The following RIMBP2 variants were observed in gnomAD, a reference collection of about 807,000 sequenced individuals.
RIMBP2 encodes RIMS-binding protein 2.
RIMBP2 carries 48 observed loss-of-function variants against 118.6 expected under a neutral mutation model. That is an observed-to-expected ratio of 0.40 (90% CI 0.32 to 0.51). The LOEUF (loss-of-function observed/expected upper bound fraction) is 0.51. Ranked by LOEUF, RIMBP2 falls within the 20% of genes least tolerant of loss-of-function variation. The probability of loss-of-function intolerance (pLI) is 0.41; values close to 1 mark genes in which losing one functional copy is unlikely to be tolerated. For missense variants in RIMBP2, 1,551 were observed against 1,768.3 expected, an observed-to-expected ratio of 0.88 and a Z score of 2.20; for synonymous variants, 762 against 742.9, an observed-to-expected ratio of 1.03 and a Z score of -0.42.
chr12:130,427,827 C>T (rs73150894), intron 15 of RIMBP2: 10,875 of 179,544 alleles, frequency 0.061, 484 homozygotes, highest in East Asian at 0.086. Context: ...GGTTGATGCA[C>T]GCTCTCTCGG....
intron 1 of RIMBP2, among the ~76,000 whole-genome samples, chr12:130,657,643 A>G (rs532113030): frequency 7.2e-6 from 1 of 139,172 alleles, no homozygotes; most frequent in Non-Finnish European, 1.6e-5. Flanking sequence ...CAGTGAGGGC[A>G]GAGGATGGAG....
At chr12:130,583,711 G>GCCATCACCTCATCACCACCACCC (rs2058631721) in intron 2 of RIMBP2, among the ~76,000 whole-genome samples, 1 of 99,330 alleles carries the variant, frequency 1.0e-5, no homozygotes, top group Non-Finnish European at 2.0e-5. Flanking sequence ...CACCACCACC[G>GCCATCACCTCATCACCACCACCC]CCATCACCTC....
chr12:130,634,593 G>T (rs2062225027), intron 1 of RIMBP2, among the ~76,000 whole-genome samples: 1 of 72,056 alleles, frequency 1.4e-5, no homozygotes, highest in African/African-American at 4.1e-5. Context: ...CTTTAAAGAT[G>T]ACTTTTTTTT....
chr12:130,708,718 G>A (rs573890285), intron 1 of RIMBP2, among the ~76,000 whole-genome samples: 9 of 152,234 alleles, frequency 5.9e-5, no homozygotes, highest in African/African-American at 2.2e-4. Flanking sequence ...AAGCTGCTTT[G>A]AAAATACTGT....
At chr12:130,615,749 T>C (rs2060890764) in intron 2 of RIMBP2, among the ~76,000 whole-genome samples, 1 of 152,104 alleles carries the variant, frequency 6.6e-6, no homozygotes. Context: ...TGTGACACTG[T>C]ATAAGAATTA....
rs74195662 is a variant in RIMBP2 at position 130,664,465 on chromosome 12, A to ACACACACATGCACGCACACACACACATG, written c.-351-36010_-351-36009insCATGTGTGTGTGTGCGTGCATGTGTGTG. ...CACACACGCACACACATGCACGCACACACACGCACGCACACGCATCACACA... is the reference window on the plus strand; with the variant it reads ...CACACACGCACACACATGCACGCACACACACACATGCACGCACACACACACATGCACACGCACGCACACGCATCACACA... On this transcript the variant is annotated intron_variant, in intron 1 of 22. Transcript: ENST00000690449. Among the ~76,000 whole-genome samples, 66 of 122,664 alleles carry ACACACACATGCACGCACACACACACATG rather than the reference A, an allele frequency of 5.4e-4. 1 individual carries two copies. Among genetic ancestry groups the ACACACACATGCACGCACACACACACATG allele is most frequent in the East Asian group, 3.9e-3 (15 of 3,848 alleles). 80.5% of individuals were successfully genotyped at this position (122,664 alleles called of 152,430 possible).
chr12:130,535,345 A>T (rs936218988), intron 2 of RIMBP2, among the ~76,000 whole-genome samples: 117 of 89,286 alleles, frequency 1.3e-3, no homozygotes, highest in African/African-American at 2.6e-3. Flanking sequence ...CTAAAAAATT[A>T]AAAAAAAAAA....
chr12:130,645,330 C>A (rs570237927), intron 1 of RIMBP2, among the ~76,000 whole-genome samples: 1 of 152,282 alleles, frequency 6.6e-6, no homozygotes, highest in East Asian at 1.9e-4. Flanking sequence ...CAGCTTTTAC[C>A]AGCACACCGC....
intron 4 of RIMBP2, among the ~76,000 whole-genome samples, chr12:130,500,792 G>A (rs1391932726): frequency 6.6e-6 from 1 of 152,254 alleles, no homozygotes; most frequent in South Asian, 2.1e-4. Context: ...GACACAAGAC[G>A]CGTCAGGTGC....
chr12:130,404,408 C>A (rs1164965047), intron 21 of RIMBP2, among the ~76,000 whole-genome samples: 1 of 152,166 alleles, frequency 6.6e-6, no homozygotes, highest in Admixed American at 6.5e-5. Context: ...AGTGATTCTC[C>A]TGCCTCAGCC....
chr12:130,658,960 T>C (rs2063540736), intron 1 of RIMBP2, among the ~76,000 whole-genome samples: 1 of 151,848 alleles, frequency 6.6e-6, no homozygotes, highest in Non-Finnish European at 1.5e-5. Flanking sequence ...CATGCCAACC[T>C]CCCTTCCTCC....
intron 1 of RIMBP2, among the ~76,000 whole-genome samples, chr12:130,647,408 G>A (rs1224948616): frequency 9.1e-6 from 1 of 109,302 alleles, no homozygotes; most frequent in Non-Finnish European, 2.4e-5. Flanking sequence ...TAAAACAACA[G>A]CCAAGGGAGT....
chr12:130,624,243 A>G (rs1292317200), intron 2 of RIMBP2, among the ~76,000 whole-genome samples: 1 of 152,250 alleles, frequency 6.6e-6, no homozygotes, highest in Non-Finnish European at 1.5e-5. Context: ...AAATTATAGG[A>G]CAGAGTTTCA....
At chr12:130,554,982 C>G (rs1426570828) in intron 2 of RIMBP2, among the ~76,000 whole-genome samples, 1 of 152,222 alleles carries the variant, frequency 6.6e-6, no homozygotes, top group Non-Finnish European at 1.5e-5. Flanking sequence ...TTTGAATTCA[C>G]TTATGTGCTG....
intron 21 of RIMBP2, among the ~76,000 whole-genome samples, chr12:130,401,730 A>AG (rs1292126583): frequency 6.6e-6 from 1 of 152,066 alleles, no homozygotes; most frequent in African/African-American, 2.4e-5. Flanking sequence ...AATAACATCT[A>AG]AATACGAAGA....
intron 3 of RIMBP2, among the ~76,000 whole-genome samples, chr12:130,509,245 T>C (rs564045183): frequency 1.4e-4 from 21 of 152,338 alleles, no homozygotes; most frequent in Admixed American, 5.9e-4. Context: ...CCTTTCCTTC[T>C]GGGAGTCGGA....
intron 2 of RIMBP2, among the ~76,000 whole-genome samples, chr12:130,535,736 TAC>T (rs1555283874): frequency 0.023 from 413 of 17,870 alleles, 5 homozygotes; most frequent in African/African-American, 0.035. Context: ...TACATATATA[TAC>T]ATATATATAT....
intron 1 of RIMBP2, among the ~76,000 whole-genome samples, chr12:130,708,010 G>C (rs183803712): frequency 3.9e-5 from 6 of 152,128 alleles, no homozygotes; most frequent in Non-Finnish European, 7.4e-5. Flanking sequence ...TGATGCCTGT[G>C]GGTAAACATG....
chr12:130,497,352 T>A (rs896819389), intron 4 of RIMBP2, among the ~76,000 whole-genome samples: 2 of 152,236 alleles, frequency 1.3e-5, no homozygotes, highest in African/African-American at 4.8e-5. Context: ...TCACAGCCTC[T>A]GGTGGGTCCA....
Sources: allele counts gnomAD v4.1 joint callset (sites outside exome capture counted in the v4.1 genomes callset), GRCh38; gene constraint gnomAD v4.1.1; transcripts MANE v1.5; gene names NCBI Gene and HGNC (gene_info 2026-07-23, HGNC 2026-07-21).